Variants in NOMO1 observed in about 807,000 individuals in gnomAD.
NOMO1 encodes the protein NODAL modulator 1, also known as nodal modulator 3.
In NOMO1, 40 loss-of-function variants were observed where a neutral mutation model predicts 133.8. The ratio of observed to expected loss-of-function variants is 0.30; its 90% CI spans 0.23 to 0.39. The LOEUF (loss-of-function observed/expected upper bound fraction) is 0.39, where lower values mean the gene tolerates loss of function less well. NOMO1 is among the 10% of genes least tolerant of loss of function. The probability of loss-of-function intolerance (pLI) is 1.00; values close to 1 mark genes in which losing one functional copy is unlikely to be tolerated. For synonymous variants in NOMO1, 236 were observed against 570.5 expected, an observed-to-expected ratio of 0.41 and a Z score of 8.36; for missense variants, 462 against 1,419.9, an observed-to-expected ratio of 0.33 and a Z score of 10.84.
At chr16:14,842,938 C>CT (rs996601516) in intron 3 of NOMO1, among the ~76,000 whole-genome samples, 23 of 149,414 alleles carry the variant, frequency 1.5e-4, no homozygotes, top group Non-Finnish European at 1.3e-4. Context: ...TTTATTTTTT[C>CT]TTTTTTTTGA....
chr16:14,887,352 G>T (rs1456708194), intron 28 of NOMO1, among the ~76,000 whole-genome samples: 3 of 150,728 alleles, frequency 2.0e-5, no homozygotes, highest in African/African-American at 7.3e-5. Context: ...GGAGTGCAGT[G>T]GCGCAATCTG....
rs749108137 is a variant in NOMO1 at position 14,857,279 on chromosome 16, T to C, written c.1026T>C (p.Asp342=). 6.2e-7 allele frequency: 1 copy of C among 1,604,828 alleles called. No homozygotes were observed. Among genetic ancestry groups the C allele is most frequent in the South Asian group, 1.1e-5 (1 of 90,638 alleles). Residue 342 remains aspartate (D), a synonymous_variant, in exon 10 of 31, where the codon GAT becomes GAC. Transcript: ENST00000287667. The part of the protein sequence containing the change: ...TGRVLNGPEG[D]GVPEAVVTLN... ...GGGTCTTGAACGGACCCGAAGGAGA[T>C]GGTGTTCCAGAAGCAGTAGTCACCC...
intron 24 of NOMO1, among the ~76,000 whole-genome samples, chr16:14,881,064 T>C (rs1180583522): frequency 6.6e-6 from 1 of 151,896 alleles, no homozygotes; most frequent in Non-Finnish European, 1.5e-5. Context: ...CATCTATAGA[T>C]AGAGAGATGC....
intron 27 of NOMO1, among the ~76,000 whole-genome samples, chr16:14,885,184 G>C (rs1410591034): frequency 2.0e-5 from 3 of 152,176 alleles, no homozygotes; most frequent in Non-Finnish European, 2.9e-5. Context: ...CCCTACCTCC[G>C]GCACGGGGGA....
chr16:14,856,655 G>T (rs1195456087), intron 9 of NOMO1, among the ~76,000 whole-genome samples: 1 of 151,904 alleles, frequency 6.6e-6, no homozygotes, highest in Non-Finnish European at 1.5e-5. Context: ...CAAGTGATCT[G>T]CCTGCCTCGG....
In NOMO1 at chr16:14,853,273, T is replaced by C. The variant is rs1963786735; in HGVS notation, c.736-194T>C. On this transcript the variant is annotated intron_variant, in intron 7 of 30. Transcript: ENST00000287667. ...GTCATGTCATCTTTCCCGGGAAGAC[T>C]GTGCCAGTTTTTAACTTTGCAACTT... 1.3e-5 allele frequency: 6 copies of C among 449,304 alleles called. No homozygotes were observed. The South Asian group carries it at 1.5e-4, about 11-fold the overall frequency. 27.8% of individuals were successfully genotyped at this position (449,304 alleles called of 1,614,324 possible). A position where few individuals can be genotyped will look rare whatever the true frequency, so the allele number is the denominator to read the frequency against.
At chr16:14,845,581 C>A (rs968740995) in intron 4 of NOMO1, among the ~76,000 whole-genome samples, 1 of 151,920 alleles carries the variant, frequency 6.6e-6, no homozygotes, top group African/African-American at 2.4e-5. Flanking sequence ...CCAGCTCCCG[C>A]GATTCAGATT....
At chr16:14,886,689 T>C (rs1964328796) in intron 27 of NOMO1, 72 bp from the exon 28 acceptor site, 10 of 1,610,276 alleles carry the variant, frequency 6.2e-6, no homozygotes, top group Non-Finnish European at 8.5e-6. Flanking sequence ...GCGGCTGTCC[T>C]GAGGATGTCT....
At position 14,866,607 on chromosome 16, in the gene NOMO1, A is replaced by G. The variant is rs1277026788; in HGVS notation, c.1722A>G (p.Glu574=). The change falls in exon 15 of 31, where the codon GAA becomes GAG. Residue 574 remains glutamate, a synonymous_variant. Transcript: ENST00000287667. ...WCWKNKSLEV[E]VLEDDMSAVE... ...GGAAGAACAAGAGCCTGGAGGTGGAAGTGCTGGAGGATGACATGTCTGCAG... is the reference window on the plus strand; with the variant it reads ...GGAAGAACAAGAGCCTGGAGGTGGAGGTGCTGGAGGATGACATGTCTGCAG... 6 of 1,609,820 alleles carry G rather than the reference A, an allele frequency of 3.7e-6. No individual in the cohort carries two copies. The highest frequency in any genetic ancestry group is 3.4e-6 in the Non-Finnish European group (4 of 1,179,736).
chr16:14,862,071 T>A (rs1441183122), intron 11 of NOMO1, among the ~76,000 whole-genome samples: 2 of 151,946 alleles, frequency 1.3e-5, no homozygotes. Context: ...TCCACTGTTT[T>A]TTTTATTTGA....
Position 14,833,751 on chromosome 16 carries a change from G to C in NOMO1, c.-101G>C, listed in dbSNP as rs1963459479. 9.9e-7 allele frequency: 1 copy of C among 1,009,390 alleles called. No individual in the cohort carries two copies. The highest frequency in any genetic ancestry group is 1.3e-6 in the Non-Finnish European group (1 of 771,202). 62.5% of individuals were successfully genotyped at this position (1,009,390 alleles called of 1,614,324 possible). A position where few individuals can be genotyped will look rare whatever the true frequency, so the allele number is the denominator to read the frequency against. ...TGGCGGCGGCGGTGGGGCGGGGCCT[G>C]GGCTGTCAGCCGGCCTAGGAGGAGG... On this transcript the variant is annotated 5_prime_UTR_variant, in exon 1 of 31. Coordinates refer to ENST00000287667, the MANE Select transcript of NOMO1 (RefSeq NM_014287.4).
At chr16:14,875,830 C>T in intron 20 of NOMO1, among the ~76,000 whole-genome samples, 1 of 151,464 alleles carries the variant, frequency 6.6e-6, no homozygotes, top group East Asian at 1.9e-4. Flanking sequence ...ATGGGAGGGT[C>T]TTTTTTTGGG....
At chr16:14,860,553 C>T (rs1567541332) in intron 11 of NOMO1, among the ~76,000 whole-genome samples, 2 of 151,780 alleles carry the variant, frequency 1.3e-5, no homozygotes. Flanking sequence ...TGGCCGGGCC[C>T]AGGCGGCTGG....
chr16:14,857,200 T>G lies in NOMO1; in HGVS notation c.964-17T>G, dbSNP rs1334211595. 1 of 1,605,524 alleles carries G rather than the reference T, an allele frequency of 6.2e-7. No individual in the cohort carries two copies. Among genetic ancestry groups the G allele is most frequent in the Non-Finnish European group, 8.5e-7 (1 of 1,172,768 alleles). On this transcript the variant is annotated splice_polypyrimidine_tract_variant and intron_variant, in intron 9 of 30. Transcript: ENST00000287667. ...GGAGCACCTTCGAGCACCTTCTTCT[T>G]GTTCTTTGTTTTCTAGCCCGTGTTC...
chr16:14,883,506 A>G (rs1964275399), intron 26 of NOMO1, among the ~76,000 whole-genome samples: 1 of 151,404 alleles, frequency 6.6e-6, no homozygotes, highest in Non-Finnish European at 1.5e-5. Flanking sequence ...TAATTTTTGT[A>G]TTTTTAGTAG....
rs1344140659 is a variant in NOMO1 at position 14,853,961 on chromosome 16, A to T, written c.898A>T (p.Ile300Phe). 2 of 1,609,730 alleles carry T rather than the reference A, an allele frequency of 1.2e-6. No homozygotes were observed. The highest frequency in any genetic ancestry group is 4.5e-5 in the East Asian group (2 of 44,756). ...GATTCCGTTCTATCGAGGGGAGAGG[A>T]TTACCTTTGATGTGGCGCCTTCCAG... ...TVIPFYRGER[I>F]TFDVAPSRLD... The change falls in exon 9 of 31, where the codon ATT (isoleucine) becomes TTT (phenylalanine). Residue 300 changes from isoleucine (I) to phenylalanine (F), a missense_variant. Coordinates refer to ENST00000287667, the MANE Select transcript of NOMO1 (RefSeq NM_014287.4).
At position 14,868,625 on chromosome 16, in the gene NOMO1, G is replaced by T; in HGVS notation, c.1884G>T (p.Leu628=). 1 of 1,580,142 alleles carries T rather than the reference G, an allele frequency of 6.3e-7. No homozygotes were observed. The highest frequency in any genetic ancestry group is 8.7e-7 in the Non-Finnish European group (1 of 1,152,778). Reference sequence around the variant, plus strand: ...CCAAAGGAGTCAACCGATTCTGCCTGTCCAAGCCTGGTAAGTTTGGAAGGA... The same window carrying T: ...CCAAAGGAGTCAACCGATTCTGCCTTTCCAAGCCTGGTAAGTTTGGAAGGA... ...NLSKGVNRFC[L]SKPGVYKVTP... is the part of the protein sequence containing the mutation. Residue 628 remains leucine (L), a synonymous_variant, in exon 16 of 31, where the codon CTG becomes CTT. Transcript: ENST00000287667.
In NOMO1 at chr16:14,887,316, C is replaced by T. The variant is rs1227213529; in HGVS notation, c.3324+454C>T. Reference sequence around the variant, plus strand: ...ATCTTTCTTTTTTTTTTTTTTGAGACGGAGTCTCGCCTTGTCGCCCAGGCT... The same window carrying T: ...ATCTTTCTTTTTTTTTTTTTTGAGATGGAGTCTCGCCTTGTCGCCCAGGCT... On this transcript the variant is annotated intron_variant, in intron 28 of 30. Coordinates refer to ENST00000287667, the MANE Select transcript of NOMO1 (RefSeq NM_014287.4). 6.0e-5 allele frequency among the ~76,000 whole-genome samples: 9 copies of T among 149,674 alleles called. 1 individual carries two copies. Among genetic ancestry groups the T allele is most frequent in the Admixed American group, 4.0e-4 (6 of 15,058 alleles).
intron 4 of NOMO1, among the ~76,000 whole-genome samples, chr16:14,846,024 CTTTTTTT>C (rs1195109475): frequency 3.6e-4 from 44 of 122,970 alleles, no homozygotes; most frequent in Admixed American, 4.9e-4. Flanking sequence ...TGTACATTTA[CTTTTTTT>C]TTTTTTTTTT....
Sources: allele counts gnomAD v4.1 joint callset (sites outside exome capture counted in the v4.1 genomes callset), GRCh38; gene constraint gnomAD v4.1.1; transcripts MANE v1.5; gene names NCBI Gene and HGNC (gene_info 2026-07-23, HGNC 2026-07-21).